Variants in GSTCD observed in about 807,000 individuals in gnomAD.
The protein encoded by GSTCD is glutathione S-transferase C-terminal domain-containing protein.
In GSTCD, 44 loss-of-function variants were observed where a neutral mutation model predicts 68.3. The ratio of observed to expected loss-of-function variants is 0.64; its 90% CI spans 0.51 to 0.83. The LOEUF (loss-of-function observed/expected upper bound fraction) is 0.83, where lower values mean the gene tolerates loss of function less well. GSTCD is among the 40% of genes least tolerant of loss of function. The probability of loss-of-function intolerance (pLI) is 0.00; values close to 1 mark genes in which losing one functional copy is unlikely to be tolerated. For synonymous variants in GSTCD, 273 were observed against 255.2 expected (o/e 1.07, Z -0.67); for missense variants, 739 against 735.9 (o/e 1.00, Z -0.05).
chr4:105,767,257 C>G (rs967508697), intron 5 of GSTCD, among the ~76,000 whole-genome samples: 3 of 152,158 alleles, frequency 2.0e-5, no homozygotes, highest in Non-Finnish European at 4.4e-5. Context: ...TTGGCTGAGA[C>G]TTGGCTACTT....
intron 5 of GSTCD, among the ~76,000 whole-genome samples, chr4:105,770,458 G>A (rs1414734764): frequency 4.6e-5 from 7 of 151,584 alleles, no homozygotes; most frequent in Admixed American, 4.6e-4. Flanking sequence ...GTGCCATGGT[G>A]GTTTGCTGCA....
intron 5 of GSTCD, among the ~76,000 whole-genome samples, chr4:105,786,768 T>C (rs1222117142): frequency 1.3e-5 from 2 of 152,074 alleles, no homozygotes; most frequent in East Asian, 3.8e-4. Flanking sequence ...GTTAGGGAAA[T>C]GCAAATCAAA....
At chr4:105,785,665 C>T (rs1050101278) in intron 5 of GSTCD, among the ~76,000 whole-genome samples, 10 of 151,930 alleles carry the variant, frequency 6.6e-5, no homozygotes, top group Admixed American at 2.0e-4. Context: ...TACCAAAAAC[C>T]ACAATTAACA....
At position 105,772,612 on chromosome 4, in the gene GSTCD, A is replaced by T. The variant is rs562413613; in HGVS notation, c.1240+43113A>T. On this transcript the variant is annotated intron_variant, in intron 5 of 11. Transcript: ENST00000515279. ...GGGCCTTTTCTGCATCTATTGAGAT[A>T]ATCATGTGGTTTTTGTCATTGGTTC... Among the ~76,000 whole-genome samples, 3 of 152,334 alleles carry T rather than the reference A, an allele frequency of 2.0e-5. No individual in the cohort carries two copies. The East Asian group carries it at 5.8e-4, about 29-fold the overall frequency.
At chr4:105,840,866 A>G (rs757488174) in intron 10 of GSTCD, among the ~76,000 whole-genome samples, 2 of 152,178 alleles carry the variant, frequency 1.3e-5, no homozygotes, top group Non-Finnish European at 2.9e-5. Flanking sequence ...TTTTGGAGTG[A>G]GAGAAAGAAA....
rs367579635 is a variant in GSTCD, at chr4:105,717,799, A to G, written c.186A>G (p.Leu62=). The part of the protein sequence containing the change: ...VTKEVSRDSS[L]LRDDLIQDVE... ...AAGAGGTGAGTAGAGATAGTTCACT[A>G]CTAAGAGATGACCTGATCCAGGATG... The change falls in exon 2 of 12, where the codon CTA becomes CTG. Residue 62 remains leucine, a synonymous_variant. Transcript: ENST00000515279. 1.7e-5 allele frequency: 28 copies of G among 1,614,010 alleles called. No homozygotes were observed. The African/African-American group carries it at 3.5e-4, about 20-fold the overall frequency.
chr4:105,768,114 C>T (rs1734693797), intron 5 of GSTCD, among the ~76,000 whole-genome samples: 1 of 151,492 alleles, frequency 6.6e-6, no homozygotes, highest in South Asian at 2.1e-4. Context: ...CGGCTCACTG[C>T]AAGCTCCACC....
chr4:105,727,684 C>A (rs1455735495), intron 4 of GSTCD, among the ~76,000 whole-genome samples: 4 of 149,780 alleles, frequency 2.7e-5, no homozygotes, highest in African/African-American at 7.4e-5. Flanking sequence ...GAGTGAAACC[C>A]TGTTTCAAAA....
chr4:105,747,200 C>T (rs1462562689), intron 5 of GSTCD, among the ~76,000 whole-genome samples: 1 of 152,232 alleles, frequency 6.6e-6, no homozygotes, highest in Non-Finnish European at 1.5e-5. Context: ...TGGTCTGATC[C>T]ACAATGTCAG....
At chr4:105,756,525 C>T (rs1456557182) in intron 5 of GSTCD, among the ~76,000 whole-genome samples, 1 of 146,168 alleles carries the variant, frequency 6.8e-6, no homozygotes, top group African/African-American at 2.6e-5. Context: ...CACACACACA[C>T]ACGTATATAC....
rs531578857 is a variant in GSTCD at position 105,765,006 on chromosome 4, A to G, written c.1240+35507A>G. On this transcript the variant is annotated intron_variant, in intron 5 of 11. Transcript: ENST00000515279. ...CAAAATTTTTTTTACCTTGATCTGC[A>G]TATAGATATAGATTTTTCATTACAA... Among the ~76,000 whole-genome samples, 107 of 152,290 alleles carry G rather than the reference A, an allele frequency of 7.0e-4. 1 individual carries two copies. Among genetic ancestry groups the G allele is most frequent in the Admixed American group, 2.7e-3 (42 of 15,292 alleles).
chr4:105,756,528 G>A (rs901014077), intron 5 of GSTCD, among the ~76,000 whole-genome samples: 40 of 118,086 alleles, frequency 3.4e-4, no homozygotes, highest in African/African-American at 1.2e-3. Flanking sequence ...ACACACACAC[G>A]TATATACATA....
At chr4:105,825,869 T>TA (rs1414199352) in intron 8 of GSTCD, 69 bp downstream of exon 8, 10 of 933,140 alleles carry the variant, frequency 1.1e-5, no homozygotes, top group Middle Eastern at 2.6e-4. Flanking sequence ...TTAGAGTAAA[T>TA]AAAAAAGATA....
intron 10 of GSTCD, among the ~76,000 whole-genome samples, chr4:105,840,867 G>C (rs1724304798): frequency 6.6e-6 from 1 of 152,128 alleles, no homozygotes; most frequent in Admixed American, 6.6e-5. Context: ...TTTGGAGTGA[G>C]AGAAAGAAAT....
At chr4:105,809,694 T>G (rs866135335) in intron 5 of GSTCD, among the ~76,000 whole-genome samples, 96 of 152,176 alleles carry the variant, frequency 6.3e-4, no homozygotes, top group Admixed American at 1.4e-3. Flanking sequence ...AATAAATATT[T>G]GTTAAATTAA....
intron 5 of GSTCD, among the ~76,000 whole-genome samples, chr4:105,750,279 G>A (rs1733963506): frequency 6.6e-6 from 1 of 151,940 alleles, no homozygotes; most frequent in Non-Finnish European, 1.5e-5. Context: ...GCCTCAACAT[G>A]GAGAAACCCT....
At chr4:105,824,921 C>A (rs1723513025) in intron 7 of GSTCD, among the ~76,000 whole-genome samples, 1 of 152,120 alleles carries the variant, frequency 6.6e-6, no homozygotes, top group Non-Finnish European at 1.5e-5. Context: ...TCCATTCCCC[C>A]CAAACCGATT....
chr4:105,846,014 T>C lies in GSTCD; in HGVS notation c.*437T>C, dbSNP rs1052301742. Reference sequence around the variant, plus strand: ...TGGAGTTTTTTGTTTTTTATATTTTTAACAATTGTACTTTTTCTATCACTT... The same window carrying C: ...TGGAGTTTTTTGTTTTTTATATTTTCAACAATTGTACTTTTTCTATCACTT... On this transcript the variant is annotated 3_prime_UTR_variant, in exon 12 of 12. Transcript: ENST00000515279. The C allele has an allele frequency of 6.3e-6, 1 of 158,358 alleles. No individual in the cohort carries two copies. The highest frequency in any genetic ancestry group is 2.4e-5 in the African/African-American group (1 of 41,560). 9.8% of individuals were successfully genotyped at this position (158,358 alleles called of 1,614,324 possible).
chr4:105,792,563 A>G (rs1735719597), intron 5 of GSTCD, among the ~76,000 whole-genome samples: 2 of 152,086 alleles, frequency 1.3e-5, no homozygotes, highest in Non-Finnish European at 2.9e-5. Context: ...AAAAAATACT[A>G]GAGCCGAATT....
Sources: gnomAD v4.1 joint callset for allele counts (sites outside exome capture counted in the v4.1 genomes callset) on GRCh38, gnomAD v4.1.1 for gene constraint, MANE v1.5 for transcripts, NCBI Gene and HGNC (gene_info 2026-07-23, HGNC 2026-07-21) for gene names.